TRIO: variants seen among roughly 807,000 people sequenced by gnomAD.
TRIO encodes the protein trio Rho guanine nucleotide exchange factor, also known as triple functional domain protein.
A neutral mutation model predicts 351.9 loss-of-function variants in TRIO; 58 were observed. The observed-to-expected ratio is 0.16, with a 90% confidence interval of 0.13 to 0.21. The LOEUF (loss-of-function observed/expected upper bound fraction) is 0.21, where lower values mean the gene tolerates loss of function less well. Among genes scored for constraint, TRIO ranks in the 10% least tolerant of loss-of-function variants. The pLI, the probability that TRIO is intolerant of heterozygous loss-of-function variation, is 1.00. For missense variants in TRIO, 3,201 were observed against 4,027.8 expected, an observed-to-expected ratio of 0.79 and a Z score of 5.56; for synonymous variants, 1,758 against 1,595.7, an observed-to-expected ratio of 1.10 and a Z score of -2.42.
intron 18 of TRIO, among the ~76,000 whole-genome samples, chr5:14,371,783 G>A (rs919955718): frequency 6.6e-6 from 1 of 151,866 alleles, no homozygotes; most frequent in African/African-American, 2.4e-5. Context: ...TAGGACTACA[G>A]GCACTTGCCA....
At chr5:14,233,830 A>G (rs1793616383) in intron 1 of TRIO, among the ~76,000 whole-genome samples, 1 of 151,988 alleles carries the variant, frequency 6.6e-6, no homozygotes, top group African/African-American at 2.4e-5. Flanking sequence ...TCACTTTGTC[A>G]CCCAGATTAG....
At chr5:14,358,526 TC>T (rs1188848293) in intron 12 of TRIO, among the ~76,000 whole-genome samples, 179 bp downstream of exon 12, 1 of 113,338 alleles carries the variant, frequency 8.8e-6, no homozygotes, top group Non-Finnish European at 1.8e-5. Flanking sequence ...TCCTTTCCCC[TC>T]CCTTCTCTCC....
chr5:14,316,452 T>C, intron 8 of TRIO, 61 bp from the exon 9 acceptor site: 1 of 1,568,538 alleles, frequency 6.4e-7, no homozygotes. Flanking sequence ...GGACAGCATC[T>C]GTGGCACAGC....
intron 21 of TRIO, among the ~76,000 whole-genome samples, chr5:14,385,827 G>C (rs897579436): frequency 6.6e-6 from 1 of 152,216 alleles, no homozygotes; most frequent in African/African-American, 2.4e-5. Context: ...AATAATTCTT[G>C]TTTAATTTTG....
At chr5:14,359,675 G>GA in intron 13 of TRIO, 144 bp downstream of exon 13, 1 of 1,004,440 alleles carries the variant, frequency 1.0e-6, no homozygotes, top group Non-Finnish European at 1.4e-6. Context: ...GGGTGTGGGA[G>GA]GGAGAGAGGG....
At chr5:14,479,692 T>C (rs1755370264) in intron 42 of TRIO, among the ~76,000 whole-genome samples, 1 of 152,042 alleles carries the variant, frequency 6.6e-6, no homozygotes, top group South Asian at 2.1e-4. Flanking sequence ...ATAATGCAAT[T>C]GAAAAAATGC....
rs559875079 is a variant in TRIO, at chr5:14,236,708, G to A, written c.158-34117G>A. Reference sequence around the variant, plus strand: ...ACCTGTTTTGTGTAGCAGCTTTATTGAAGTATAATTCATATAGCATACAAT... The same window carrying A: ...ACCTGTTTTGTGTAGCAGCTTTATTAAAGTATAATTCATATAGCATACAAT... On this transcript the variant is annotated intron_variant, in intron 1 of 56. Transcript: ENST00000344204. 2.6e-5 allele frequency among the ~76,000 whole-genome samples: 4 copies of A among 152,210 alleles called. No individual in the cohort carries two copies. The South Asian group carries it at 6.2e-4, about 24-fold the overall frequency.
rs553035153 is a variant in TRIO, at chr5:14,464,546, A to G, written c.5668-999A>G. ...TGTGTTCTGTGTCTGTTTTGGCTCA[A>G]TTTCCTTACCTTTCCGTTTGAATTT... On this transcript the variant is annotated intron_variant, in intron 36 of 56. Coordinates refer to ENST00000344204, the MANE Select transcript of TRIO (RefSeq NM_007118.4). Among the ~76,000 whole-genome samples the G allele has an allele frequency of 5.9e-5, 9 of 152,138 alleles. No homozygotes were observed. Among genetic ancestry groups the G allele is most frequent in the African/African-American group, 2.2e-4 (9 of 41,502 alleles).
At chr5:14,471,252 G>A (rs566737828) in intron 37 of TRIO, 66 bp from the exon 38 acceptor site, 498 of 1,489,718 alleles carry the variant, frequency 3.3e-4, no homozygotes, top group Non-Finnish European at 4.2e-4. Flanking sequence ...GTATTTTCTT[G>A]TCTTAGTTTT....
rs192747057 is a variant in TRIO at position 14,279,974 on chromosome 5, G to T, written c.233-348G>T. ...GTGGGGGAGACTGGCCTAGAGAGCA[G>T]CTGTGAGGGAGGTGGTTGTCTGAGG... On this transcript the variant is annotated intron_variant, in intron 2 of 56. Transcript: ENST00000344204. 2.0e-4 allele frequency among the ~76,000 whole-genome samples: 30 copies of T among 152,348 alleles called. No individual in the cohort carries two copies. In the East Asian group the frequency reaches 3.9e-3, roughly 20 times the overall value.
chr5:14,463,800 A>G (rs1015540611), intron 36 of TRIO, among the ~76,000 whole-genome samples: 5 of 151,584 alleles, frequency 3.3e-5, no homozygotes, highest in Non-Finnish European at 7.4e-5. Flanking sequence ...GTCACTTGCC[A>G]GATTAATCAC....
chr5:14,456,674 C>T (rs1055818122), intron 34 of TRIO, among the ~76,000 whole-genome samples: 1 of 152,134 alleles, frequency 6.6e-6, no homozygotes, highest in Non-Finnish European at 1.5e-5. Context: ...TAAGATCTTC[C>T]CATGGAGACT....
chr5:14,193,849 T>G (rs1367424694), intron 1 of TRIO, among the ~76,000 whole-genome samples: 1 of 152,122 alleles, frequency 6.6e-6, no homozygotes, highest in Non-Finnish European at 1.5e-5. Context: ...GCAATGATGA[T>G]GAGGATGCTG....
At position 14,183,528 on chromosome 5, in the gene TRIO, A is replaced by G. The variant is rs114279381; in HGVS notation, c.157+39646A>G. ...AAATAAAGTATTACTTTCTTTGACTAAAATTGAAAACAATAAACTCCTCCC... is the reference window on the plus strand; with the variant it reads ...AAATAAAGTATTACTTTCTTTGACTGAAATTGAAAACAATAAACTCCTCCC... On this transcript the variant is annotated intron_variant, in intron 1 of 56. Coordinates refer to ENST00000344204, the MANE Select transcript of TRIO (RefSeq NM_007118.4). Among the ~76,000 whole-genome samples, 368 of 152,302 alleles carry G rather than the reference A, an allele frequency of 2.4e-3. 1 individual carries two copies. The highest frequency in any genetic ancestry group is 4.1e-3 in the Non-Finnish European group (279 of 68,022).
chr5:14,489,109 C>T (rs375194571), intron 48 of TRIO: 67 of 747,854 alleles, frequency 9.0e-5, no homozygotes, highest in Non-Finnish European at 1.3e-4. Context: ...TATGTTTGAA[C>T]GCTTTATAAA....
chr5:14,421,236 AT>A (rs57399083), intron 34 of TRIO, among the ~76,000 whole-genome samples: 9,178 of 120,046 alleles, frequency 0.076, 1,010 homozygotes, highest in African/African-American at 0.25. Flanking sequence ...TATTTATTTT[AT>A]TTTATTTTAT....
intron 1 of TRIO, among the ~76,000 whole-genome samples, chr5:14,241,688 G>C (rs1206555289): frequency 6.6e-6 from 1 of 152,114 alleles, no homozygotes; most frequent in African/African-American, 2.4e-5. Context: ...TTTTCAAGAA[G>C]GCAAAACAGT....
intron 52 of TRIO, 51 bp from the exon 53 acceptor site, chr5:14,498,468 G>A: frequency 6.3e-7 from 1 of 1,590,938 alleles, no homozygotes; most frequent in African/African-American, 1.3e-5. Context: ...AGCGCTGATG[G>A]CCACGTGCTC....
At chr5:14,287,139 A>ATT in intron 4 of TRIO, 76 bp downstream of exon 4, 1 of 1,373,672 alleles carries the variant, frequency 7.3e-7, no homozygotes, top group Non-Finnish European at 9.9e-7. Flanking sequence ...CTAATGAGAG[A>ATT]TTTTTTTTTT....
Sources: gnomAD v4.1 joint callset for allele counts (sites outside exome capture counted in the v4.1 genomes callset) on GRCh38, gnomAD v4.1.1 for gene constraint, MANE v1.5 for transcripts, NCBI Gene and HGNC (gene_info 2026-07-23, HGNC 2026-07-21) for gene names.